NUS1: variants seen among roughly 807,000 people sequenced by gnomAD.
NUS1 encodes dehydrodolichyl diphosphate synthase complex subunit NUS1.
For synonymous variants in NUS1, 135 were observed against 155.2 expected (o/e 0.87, Z 0.97); for missense variants, 292 against 382.9 (o/e 0.76, Z 1.98).
At chr6:117,679,089 G>A (rs1773024988) in intron 1 of NUS1, among the ~76,000 whole-genome samples, 1 of 152,194 alleles carries the variant, frequency 6.6e-6, no homozygotes, top group Non-Finnish European at 1.5e-5. Context: ...GATACAAGAA[G>A]TACAAGAAAT....
At chr6:117,686,845 A>AGT (rs1405737263) in intron 1 of NUS1, among the ~76,000 whole-genome samples, 15 of 114,488 alleles carry the variant, frequency 1.3e-4, no homozygotes, top group African/African-American at 3.4e-4. Context: ...TATCATGTGA[A>AGT]GTGTGTATGT....
chr6:117,675,849 C>A lies in NUS1; in HGVS notation c.179C>A (p.Pro60Gln). ...APLGFTLRKP[P>Q]AVGRNRRHHR... ...CTCGGCTTCACGCTCCGCAAGCCCC[C>A]GGCAGTCGGCAGGAACCGCCGTCAC... The change falls in exon 1 of 5, where the codon CCG becomes CAG. Residue 60 changes from proline to glutamine, a missense_variant. Coordinates refer to ENST00000368494, the MANE Select transcript of NUS1 (RefSeq NM_138459.5). 1.3e-6 allele frequency: 2 copies of A among 1,537,536 alleles called. No individual in the cohort carries two copies. Among genetic ancestry groups the A allele is most frequent in the Non-Finnish European group, 1.8e-6 (2 of 1,142,164 alleles).
intron 1 of NUS1, among the ~76,000 whole-genome samples, chr6:117,677,505 GT>G (rs1252865573): frequency 3.7e-4 from 56 of 152,306 alleles, no homozygotes; most frequent in Non-Finnish European, 1.5e-4. Context: ...GAAAACAAAA[GT>G]TTTATTCTCT....
intron 3 of NUS1, among the ~76,000 whole-genome samples, chr6:117,702,447 A>G (rs1464881984): frequency 6.6e-6 from 1 of 152,196 alleles, no homozygotes; most frequent in Non-Finnish European, 1.5e-5. Flanking sequence ...GACCTTTGCC[A>G]TTCTTACTGA....
intron 1 of NUS1, among the ~76,000 whole-genome samples, chr6:117,685,219 A>C (rs1457596214): frequency 6.6e-6 from 1 of 152,210 alleles, no homozygotes; most frequent in Non-Finnish European, 1.5e-5. Context: ...CTAGAATAAT[A>C]TTCTTCTTTC....
At position 117,676,008 on chromosome 6, in the gene NUS1, G is replaced by T; in HGVS notation, c.338G>T (p.Ser113Ile). Reference sequence around the variant, plus strand: ...ATCACCGAGGTGGAGCAGGAACCCAGCTTCTCGGACATCGCGAGCCTCGTG... The same window carrying T: ...ATCACCGAGGTGGAGCAGGAACCCATCTTCTCGGACATCGCGAGCCTCGTG... The part of the protein sequence containing the change: ...LVITEVEQEP[S>I]FSDIASLVVW... The change falls in exon 1 of 5, where the codon AGC becomes ATC. Residue 113 changes from serine to isoleucine, a missense_variant. Transcript: ENST00000368494. 2 of 1,549,732 alleles carry T rather than the reference G, an allele frequency of 1.3e-6. No individual in the cohort carries two copies. The highest frequency in any genetic ancestry group is 1.2e-5 in the South Asian group (1 of 83,982).
intron 3 of NUS1, among the ~76,000 whole-genome samples, chr6:117,701,045 T>C (rs1012197391): frequency 2.6e-5 from 4 of 151,116 alleles, no homozygotes; most frequent in Admixed American, 6.6e-5. Flanking sequence ...TTTTCAAAGT[T>C]GTTGTGTCTA....
intron 1 of NUS1, among the ~76,000 whole-genome samples, chr6:117,681,240 TCTG>T (rs2114678524): frequency 6.6e-6 from 1 of 150,726 alleles, no homozygotes; most frequent in South Asian, 2.1e-4. Flanking sequence ...ACTTCTGTTC[TCTG>T]CTTTGTGTAG....
At chr6:117,685,835 C>T (rs973226701) in intron 1 of NUS1, among the ~76,000 whole-genome samples, 1 of 152,084 alleles carries the variant, frequency 6.6e-6, no homozygotes, top group Non-Finnish European at 1.5e-5. Flanking sequence ...GTGAAACCTC[C>T]TTAAAAGCCT....
chr6:117,688,248 A>C (rs560981924), intron 1 of NUS1, among the ~76,000 whole-genome samples: 3 of 152,238 alleles, frequency 2.0e-5, no homozygotes, highest in South Asian at 4.1e-4. Flanking sequence ...ATATATAATA[A>C]AGAACAGCAC....
intron 1 of NUS1, among the ~76,000 whole-genome samples, chr6:117,688,437 CAAG>C (rs1773169911): frequency 7.4e-6 from 1 of 135,826 alleles, no homozygotes; most frequent in Non-Finnish European, 1.6e-5. Context: ...AATAGAGCGT[CAAG>C]AAGGAGGACT....
At position 117,707,989 on chromosome 6, in the gene NUS1, A is replaced by C. The variant is rs1773524911; in HGVS notation, c.*974A>C. ...AAAAATATTTCCATCAACCATTTTT[A>C]TTTAAAATAAACATTTGAGGGAAGT... On this transcript the variant is annotated 3_prime_UTR_variant, in exon 5 of 5. Transcript: ENST00000368494. 6.6e-6 allele frequency: 1 copy of C among 152,048 alleles called. No homozygotes were observed. Among genetic ancestry groups the C allele is most frequent in the South Asian group, 2.1e-4 (1 of 4,834 alleles). The allele number at this position is 152,048 out of a possible 1,614,324, so 9.4% of individuals were successfully genotyped here. A position where few individuals can be genotyped will look rare whatever the true frequency, so the allele number is the denominator to read the frequency against.
intron 2 of NUS1, among the ~76,000 whole-genome samples, chr6:117,693,570 A>G (rs1773274664): frequency 6.6e-6 from 1 of 152,182 alleles, no homozygotes; most frequent in Non-Finnish European, 1.5e-5. Flanking sequence ...CAATTGTAAG[A>G]TAGCTCCTAT....
intron 1 of NUS1, among the ~76,000 whole-genome samples, chr6:117,678,683 T>G (rs1262272127): frequency 6.9e-6 from 1 of 144,618 alleles, no homozygotes; most frequent in Non-Finnish European, 1.5e-5. Context: ...AGTGGTTTTT[T>G]TTTTTTTTTT....
In NUS1 at chr6:117,707,220, T is replaced by G. The variant is rs1299867902; in HGVS notation, c.*205T>G. The G allele has an allele frequency of 2.0e-6, 1 of 493,342 alleles. No individual in the cohort carries two copies. The highest frequency in any genetic ancestry group is 3.7e-6 in the Non-Finnish European group (1 of 269,214). The allele number at this position is 493,342 out of a possible 1,614,324, so 30.6% of individuals were successfully genotyped here. A position where few individuals can be genotyped will look rare whatever the true frequency, so the allele number is the denominator to read the frequency against. Reference sequence around the variant, plus strand: ...GCACACATGTGCACGTTTGTATGTATGGAAATAAACTTATAAATGGGGACG... The same window carrying G: ...GCACACATGTGCACGTTTGTATGTAGGGAAATAAACTTATAAATGGGGACG... On this transcript the variant is annotated 3_prime_UTR_variant, in exon 5 of 5. Transcript: ENST00000368494.
chr6:117,699,600 T>C (rs1773373272), intron 3 of NUS1, among the ~76,000 whole-genome samples: 2 of 152,000 alleles, frequency 1.3e-5, no homozygotes, highest in African/African-American at 4.8e-5. Flanking sequence ...AAAATATCAA[T>C]GCAGTCTATC....
At chr6:117,703,509 G>C in intron 3 of NUS1, 96 bp from the exon 4 acceptor site, 1 of 897,630 alleles carries the variant, frequency 1.1e-6, no homozygotes, top group Non-Finnish European at 1.8e-6. Flanking sequence ...GAACCAATTT[G>C]ATTAATACAT....
intron 1 of NUS1, among the ~76,000 whole-genome samples, chr6:117,690,773 C>T (rs1582469699): frequency 6.6e-6 from 1 of 151,936 alleles, no homozygotes; most frequent in Non-Finnish European, 1.5e-5. Context: ...GGGCGGATCA[C>T]GAGGTCCGGA....
chr6:117,688,994 A>G (rs919763888), intron 1 of NUS1, among the ~76,000 whole-genome samples: 3 of 152,330 alleles, frequency 2.0e-5, no homozygotes, highest in Non-Finnish European at 2.9e-5. Context: ...ATGGACAGAA[A>G]GAGAGGGCTG....
Sources: allele counts gnomAD v4.1 joint callset (sites outside exome capture counted in the v4.1 genomes callset), GRCh38; gene constraint gnomAD v4.1.1; transcripts MANE v1.5; gene names NCBI Gene and HGNC (gene_info 2026-07-23, HGNC 2026-07-21).